Variants in CASP1 observed in about 807,000 individuals in gnomAD.
The protein encoded by CASP1 is caspase 1, also known as caspase-1.
CASP1 carries 31 observed loss-of-function variants against 41.2 expected under a neutral mutation model. That is an observed-to-expected ratio of 0.75 (90% CI 0.57 to 1.02). CASP1 has a LOEUF of 1.02. CASP1 is among the 50% of genes least tolerant of loss of function. The pLI, the probability that CASP1 is intolerant of heterozygous loss-of-function variation, is 0.00. For missense variants in CASP1, 490 were observed against 495.7 expected, an observed-to-expected ratio of 0.99 and a Z score of 0.11; for synonymous variants, 163 against 166.5, an observed-to-expected ratio of 0.98 and a Z score of 0.16.
chr11:105,030,402 G>A lies in CASP1; in HGVS notation c.555C>T (p.Asp185=), dbSNP rs1364916305. The change falls in exon 5 of 9, where the codon GAC becomes GAT. Residue 185 remains aspartate, a synonymous_variant. Coordinates refer to ENST00000533400, the MANE Select transcript of CASP1 (RefSeq NM_001257118.3). The part of the protein sequence containing the change: ...SIPRRTGAEV[D]ITGMTMLLQN... ...GTAGCAGCATTGTCATGCCTGTGAT[G>A]TCAACCTCAGCTCCAGTTCTTCTAG... 2.5e-6 allele frequency: 4 copies of A among 1,613,506 alleles called. No homozygotes were observed. Among genetic ancestry groups the A allele is most frequent in the African/African-American group, 2.7e-5 (2 of 74,856 alleles).
intron 8 of CASP1, 110 bp from the exon 9 acceptor site, chr11:105,026,466 A>C: frequency 1.4e-6 from 1 of 698,478 alleles, no homozygotes; most frequent in Non-Finnish European, 2.5e-6. Flanking sequence ...ATAAGTGACA[A>C]AAACAAAAAG....
At chr11:105,035,618 G>GTTTTTT (rs56746743), upstream of CASP1, among the ~76,000 whole-genome samples, 5 of 103,428 alleles carry the variant, frequency 4.8e-5, no homozygotes, top group Admixed American at 2.6e-4. Context: ...TTTTCTTTCT[G>GTTTTTT]TTTTTTTTTT....
chr11:105,033,460 A>G (rs1201103378), intron 2 of CASP1, among the ~76,000 whole-genome samples: 1 of 152,210 alleles, frequency 6.6e-6, no homozygotes, highest in East Asian at 1.9e-4. Context: ...AGGAAGTGCC[A>G]CAGACATCAA....
chr11:105,034,755 ATAAAG>A (rs1565228663), intron 1 of CASP1: 1 of 619,120 alleles, frequency 1.6e-6, no homozygotes, highest in Non-Finnish European at 2.8e-6. Context: ...ACTCTGGTTA[ATAAAG>A]TAATGAAGCA....
Position 105,033,122 on chromosome 11 carries a change from T to C in CASP1, c.279A>G (p.Gln93=). ...LAGTLGLSAD[Q]TSGNYLNMQD... ...GCATATTAAGGTAATTTCCAGATGT[T>C]TGATCTATGAAAAGATAAAGGGTAT... Residue 93 remains glutamine (Q), a synonymous_variant, in exon 3 of 9, where the codon CAA becomes CAG. Transcript: ENST00000533400. 1 of 1,570,412 alleles carries C rather than the reference T, an allele frequency of 6.4e-7. No homozygotes were observed. Among genetic ancestry groups the C allele is most frequent in the East Asian group, 2.2e-5 (1 of 44,578 alleles).
intron 2 of CASP1, chr11:105,033,816 C>G (rs1171929316): frequency 7.8e-6 from 4 of 513,466 alleles, no homozygotes; most frequent in Non-Finnish European, 1.5e-5. Context: ...GATTATAAAC[C>G]TTAAAGCTTC....
chr11:105,034,636 C>T (rs1242277383), intron 1 of CASP1, 162 bp from the exon 2 acceptor site: 8 of 1,227,172 alleles, frequency 6.5e-6, no homozygotes, highest in Non-Finnish European at 9.1e-6. Context: ...ACTTGTTTCC[C>T]TCAATAGTCT....
Position 105,027,196 on chromosome 11 carries a change from C to G in CASP1, c.1007-245G>C, listed in dbSNP as rs535365161. The G allele has an allele frequency of 7.9e-5, 48 of 609,538 alleles. No individual in the cohort carries two copies. In the South Asian group the frequency reaches 8.7e-4, roughly 11 times the overall value. 37.8% of individuals were successfully genotyped at this position (609,538 alleles called of 1,614,324 possible). On this transcript the variant is annotated intron_variant, in intron 7 of 8. Transcript: ENST00000533400. Reference sequence around the variant, plus strand: ...ATTATGCATTCTGATATTTAATAGACTCAGCTAGCTATACAGGGGATGGTA... The same window carrying G: ...ATTATGCATTCTGATATTTAATAGAGTCAGCTAGCTATACAGGGGATGGTA...
At position 105,025,983 on chromosome 11, in the gene CASP1, G is replaced by A. The variant is rs1295786440; in HGVS notation, c.*275C>T. ...AAATTTCAGATATTTTTGTATATTG[G>A]AATTCAGCTGTATACTTACTGGTTT... is the stretch of plus-strand genomic sequence containing the variant. On this transcript the variant is annotated 3_prime_UTR_variant, in exon 9 of 9. Coordinates refer to ENST00000533400, the MANE Select transcript of CASP1 (RefSeq NM_001257118.3). 2 of 316,776 alleles carry A rather than the reference G, an allele frequency of 6.3e-6. No individual in the cohort carries two copies. Among genetic ancestry groups the A allele is most frequent in the East Asian group, 1.1e-4 (2 of 17,396 alleles). 19.6% of individuals were successfully genotyped at this position (316,776 alleles called of 1,614,324 possible). A position where few individuals can be genotyped will look rare whatever the true frequency, so the allele number is the denominator to read the frequency against.
intron 1 of CASP1, 130 bp downstream of exon 1, chr11:105,034,977 C>G (rs1218124384): frequency 3.0e-5 from 36 of 1,204,918 alleles, no homozygotes; most frequent in Non-Finnish European, 4.3e-5. Context: ...TCTCTCCTCC[C>G]TCTCCCCCCT....
At chr11:105,036,427 C>G (rs547728493), upstream of CASP1, among the ~76,000 whole-genome samples, 2 of 152,104 alleles carry the variant, frequency 1.3e-5, no homozygotes, top group Non-Finnish European at 2.9e-5. Context: ...CTCTGTTTCC[C>G]TACTCAAATC....
At chr11:105,034,731 C>T (rs1863918490) in intron 1 of CASP1, 3 of 639,494 alleles carry the variant, frequency 4.7e-6, no homozygotes, top group East Asian at 2.8e-5. Flanking sequence ...CCTCTTATGT[C>T]GCATGTTTAT....
At chr11:105,036,504 G>C (rs1312612224), upstream of CASP1, among the ~76,000 whole-genome samples, 1 of 152,034 alleles carries the variant, frequency 6.6e-6, no homozygotes, top group Non-Finnish European at 1.5e-5. Flanking sequence ...TTGAATCATG[G>C]GTGCTGTTTT....
chr11:105,033,157 C>T (rs1863799170), intron 2 of CASP1, 31 bp from the exon 3 acceptor site: 3 of 1,321,030 alleles, frequency 2.3e-6, no homozygotes, highest in Non-Finnish European at 2.2e-6. Flanking sequence ...TTGAAGTAGT[C>T]ACTTATCATC....
Position 105,029,751 on chromosome 11 carries a change from T to A in CASP1, c.776A>T (p.Asn259Ile). 3.1e-6 allele frequency: 5 copies of A among 1,613,654 alleles called. No homozygotes were observed. Among genetic ancestry groups the A allele is most frequent in the Non-Finnish European group, 4.2e-6 (5 of 1,179,674 alleles). ...GGTATTCAACATGTTAAAGATTGCATTGAGTTGTAGTATATCTGGGACTTG... is the reference window on the plus strand; with the variant it reads ...GGTATTCAACATGTTAAAGATTGCAATGAGTTGTAGTATATCTGGGACTTG... ...SEQVPDILQL[N>I]AIFNMLNTKN... The change falls in exon 6 of 9, where the codon AAT becomes ATT. Residue 259 changes from asparagine (N) to isoleucine (I), a missense_variant. Physicochemically the swap from Asn to Ile is moderately radical, Grantham distance 149 (BLOSUM62 -3). Coordinates refer to ENST00000533400, the MANE Select transcript of CASP1 (RefSeq NM_001257118.3).
In CASP1 at chr11:105,031,287, G is replaced by C. The variant is rs955311366; in HGVS notation, c.338-7C>G. 3 of 1,525,762 alleles carry C rather than the reference G, an allele frequency of 2.0e-6. No homozygotes were observed. The highest frequency in any genetic ancestry group is 2.7e-6 in the Non-Finnish European group (3 of 1,100,486). The allele number at this position is 1,525,762 out of a possible 1,614,324, so 94.5% of individuals were successfully genotyped here. ...TCCTGCACTGCCTGAGGAGCTGCAAGAGACAAAGAACATCATGAACAGTGG... is the reference window on the plus strand; with the variant it reads ...TCCTGCACTGCCTGAGGAGCTGCAACAGACAAAGAACATCATGAACAGTGG... On this transcript the variant is annotated splice_region_variant and splice_polypyrimidine_tract_variant and intron_variant, in intron 3 of 8. Transcript: ENST00000533400.
intron 5 of CASP1, among the ~76,000 whole-genome samples, chr11:105,030,109 T>C (rs1863589414): frequency 6.6e-6 from 1 of 152,138 alleles, no homozygotes; most frequent in Non-Finnish European, 1.5e-5. Context: ...GACAGTGGCA[T>C]TACTGAGTCA....
chr11:105,027,012 C>G (rs1329486566), intron 7 of CASP1, 61 bp from the exon 8 acceptor site: 1 of 950,118 alleles, frequency 1.1e-6, no homozygotes, highest in South Asian at 1.3e-5. Context: ...AGAGAAGAAA[C>G]CCTAGTATTT....
chr11:105,034,861 A>G (rs561635474), intron 1 of CASP1, among the ~76,000 whole-genome samples: 1 of 152,216 alleles, frequency 6.6e-6, no homozygotes, highest in Admixed American at 6.5e-5. Context: ...CATGTAAGTA[A>G]GAGTTTAATT....
Sources: allele counts gnomAD v4.1 joint callset (sites outside exome capture counted in the v4.1 genomes callset), GRCh38; gene constraint gnomAD v4.1.1; transcripts MANE v1.5; gene names NCBI Gene and HGNC (gene_info 2026-07-23, HGNC 2026-07-21).